The following PTPRD variants were observed in gnomAD, a reference collection of about 807,000 sequenced individuals.
PTPRD encodes receptor-type tyrosine-protein phosphatase delta.
In PTPRD, 34 loss-of-function variants were observed where a neutral mutation model predicts 214.5. The ratio of observed to expected loss-of-function variants is 0.16; its 90% confidence interval spans 0.12 to 0.21. The LOEUF (loss-of-function observed/expected upper bound fraction) is 0.21. PTPRD is among the 10% of genes least tolerant of loss of function. The pLI is 1.00. For missense variants in PTPRD, 2,545 were observed against 2,398.7 expected (o/e 1.06, Z -1.27); for synonymous variants, 1,128 against 845.7 (o/e 1.33, Z -5.79).
rs9408764 is a variant in PTPRD, at chr9:9,352,355, A to G, written c.-203+45094T>C. Among the ~76,000 whole-genome samples the G allele has an allele frequency of 6.2e-3, 671 of 107,710 alleles. 4 individuals are homozygous for G. The highest frequency in any genetic ancestry group is 0.018 in the African/African-American group (389 of 21,800). 70.7% of individuals were successfully genotyped at this position (107,710 alleles called of 152,430 possible). The stretch of plus-strand genomic sequence containing the variant: ...TGTGTGTGTGTGTGTGTGTGTGTGT[A>G]TATATGTGTGTGTGTGTATATATAT... On this transcript the variant is annotated intron_variant, in intron 9 of 45. Coordinates refer to ENST00000381196, the MANE Select transcript of PTPRD (RefSeq NM_002839.4).
chr9:10,487,966 G>GTCTCTCTC (rs56372955), intron 2 of PTPRD, among the ~76,000 whole-genome samples: 15,063 of 110,028 alleles, frequency 0.14, 1,744 homozygotes, highest in East Asian at 0.29. Flanking sequence ...AATGAACACA[G>GTCTCTCTC]TCTCTCTCTC....
At chr9:8,600,743 A>G (rs1022965259) in intron 14 of PTPRD, among the ~76,000 whole-genome samples, 2 of 151,924 alleles carry the variant, frequency 1.3e-5, no homozygotes, top group Non-Finnish European at 2.9e-5. Flanking sequence ...CTTAGTCCCT[A>G]AAGAACCAGC....
intron 39 of PTPRD, among the ~76,000 whole-genome samples, chr9:8,355,715 T>A (rs1376707205): frequency 6.6e-6 from 1 of 152,246 alleles, no homozygotes; most frequent in Non-Finnish European, 1.5e-5. Context: ...ATACATTATA[T>A]GTTCAAGTAG....
chr9:9,405,955 G>C (rs1435225102), intron 8 of PTPRD, among the ~76,000 whole-genome samples: 1 of 151,820 alleles, frequency 6.6e-6, no homozygotes, highest in Non-Finnish European at 1.5e-5. Flanking sequence ...ATCTGTTTGT[G>C]CTAAAAAAAT....
chr9:9,504,885 A>T (rs1192228256), intron 8 of PTPRD, among the ~76,000 whole-genome samples: 1 of 151,688 alleles, frequency 6.6e-6, no homozygotes, highest in African/African-American at 2.4e-5. Context: ...AAACAATTCT[A>T]TTCACAGTAG....
chr9:10,246,163 T>C (rs2092051275), intron 3 of PTPRD, among the ~76,000 whole-genome samples: 1 of 152,150 alleles, frequency 6.6e-6, no homozygotes, highest in African/African-American at 2.4e-5. Context: ...TATAAAAGCT[T>C]TGGAAATGTA....
intron 2 of PTPRD, among the ~76,000 whole-genome samples, chr9:10,609,280 T>G (rs1401325375): frequency 6.6e-6 from 1 of 152,042 alleles, no homozygotes; most frequent in Non-Finnish European, 1.5e-5. Flanking sequence ...AAAATCACAT[T>G]TTTTTCAGAA....
chr9:10,286,808 C>G (rs1646809349), intron 3 of PTPRD, among the ~76,000 whole-genome samples: 1 of 151,994 alleles, frequency 6.6e-6, no homozygotes, highest in South Asian at 2.1e-4. Context: ...ACTATGTTGG[C>G]CAGGCTGGTC....
intron 4 of PTPRD, among the ~76,000 whole-genome samples, chr9:9,957,128 T>A (rs2093989461): frequency 6.6e-6 from 1 of 152,184 alleles, no homozygotes; most frequent in African/African-American, 2.4e-5. Context: ...TGTATTCATT[T>A]TGACTCCACA....
At chr9:8,938,981 T>C (rs1172605700) in intron 11 of PTPRD, among the ~76,000 whole-genome samples, 1 of 152,204 alleles carries the variant, frequency 6.6e-6, no homozygotes, top group East Asian at 1.9e-4. Flanking sequence ...GCACTCATAG[T>C]CCTGCCCTAA....
intron 9 of PTPRD, among the ~76,000 whole-genome samples, chr9:9,228,743 G>A (rs1010191925): frequency 1.3e-5 from 2 of 152,050 alleles, no homozygotes; most frequent in Non-Finnish European, 2.9e-5. Flanking sequence ...AATGCCTAGC[G>A]TAAAGCCTAG....
chr9:10,019,685 C>G (rs1263673794), intron 4 of PTPRD, among the ~76,000 whole-genome samples: 1 of 150,270 alleles, frequency 6.7e-6, no homozygotes, highest in Admixed American at 6.6e-5. Context: ...GGACAAAAAA[C>G]TAAACACCGC....
intron 11 of PTPRD, among the ~76,000 whole-genome samples, chr9:8,875,848 C>G (rs761985730): frequency 6.6e-6 from 1 of 152,216 alleles, no homozygotes; most frequent in Non-Finnish European, 1.5e-5. Flanking sequence ...CTTCTCTGAG[C>G]CCTGCTTTCC....
intron 33 of PTPRD, among the ~76,000 whole-genome samples, chr9:8,456,572 A>G (rs2096211165): frequency 6.6e-6 from 1 of 152,136 alleles, no homozygotes; most frequent in Admixed American, 6.5e-5. Context: ...TAGCATCTCA[A>G]AATATTCTGG....
At chr9:9,818,643 C>A (rs946299024) in intron 5 of PTPRD, among the ~76,000 whole-genome samples, 1 of 151,930 alleles carries the variant, frequency 6.6e-6, no homozygotes, top group African/African-American at 2.4e-5. Flanking sequence ...ATGGGTCGGG[C>A]GTGGTGGCTC....
chr9:8,730,473 T>C (rs906299825), intron 12 of PTPRD, among the ~76,000 whole-genome samples: 6 of 152,242 alleles, frequency 3.9e-5, no homozygotes, highest in Middle Eastern at 3.4e-3. Context: ...TGAGATCAGG[T>C]AAACATTCAG....
intron 9 of PTPRD, among the ~76,000 whole-genome samples, chr9:9,363,697 TTTCCTACAGG>T (rs1193174101): frequency 9.9e-5 from 15 of 151,284 alleles, no homozygotes; most frequent in Admixed American, 7.9e-4. Flanking sequence ...TTCAGCAGCC[TTTCCTACAGG>T]TGACCACTCT....
chr9:8,546,009 A>G (rs2080028726), intron 14 of PTPRD, among the ~76,000 whole-genome samples: 2 of 152,216 alleles, frequency 1.3e-5, no homozygotes, highest in African/African-American at 4.8e-5. Flanking sequence ...TTTAGTTTTC[A>G]TAAGAAGATG....
At chr9:10,375,359 G>A (rs189364701) in intron 2 of PTPRD, among the ~76,000 whole-genome samples, 63 of 151,994 alleles carry the variant, frequency 4.1e-4, no homozygotes, top group African/African-American at 1.4e-3. Context: ...TACTGTCTAC[G>A]TTATTATGTG....
Sources: gnomAD v4.1 joint callset for allele counts (sites outside exome capture counted in the v4.1 genomes callset) on GRCh38, gnomAD v4.1.1 for gene constraint, MANE v1.5 for transcripts, NCBI Gene and HGNC (gene_info 2026-07-23, HGNC 2026-07-21) for gene names.